The following RGS7 variants were observed in gnomAD, a reference collection of about 807,000 sequenced individuals.
RGS7 encodes regulator of G protein signaling 7.
A neutral mutation model predicts 81.1 loss-of-function variants in RGS7; 27 were observed. The ratio of observed to expected loss-of-function variants is 0.33; its 90% CI spans 0.25 to 0.46. The LOEUF (loss-of-function observed/expected upper bound fraction) is 0.46. RGS7 is among the 20% of genes least tolerant of loss of function. RGS7 has a pLI of 1.00. For synonymous variants in RGS7, 208 were observed against 207.7 expected, an observed-to-expected ratio of 1.00 and a Z score of -0.01; for missense variants, 396 against 607.4, an observed-to-expected ratio of 0.65 and a Z score of 3.66.
At chr1:240,866,176 C>T (rs1401731376) in intron 9 of RGS7, among the ~76,000 whole-genome samples, 2 of 152,220 alleles carry the variant, frequency 1.3e-5, no homozygotes, top group Non-Finnish European at 2.9e-5. Flanking sequence ...ACGCCATTCT[C>T]AGAGGCTCAT....
At chr1:240,866,904 G>C (rs887181141) in intron 9 of RGS7, among the ~76,000 whole-genome samples, 11 of 152,150 alleles carry the variant, frequency 7.2e-5, no homozygotes, top group African/African-American at 2.7e-4. Context: ...GGAGGATCCA[G>C]GTCATGGAAG....
chr1:240,829,425 G>GT (rs1004199468), intron 9 of RGS7, among the ~76,000 whole-genome samples: 2 of 152,046 alleles, frequency 1.3e-5, no homozygotes, highest in African/African-American at 4.8e-5. Context: ...CTAAGCATTT[G>GT]TTTTTTAAAA....
At chr1:241,352,926 T>A (rs1322252944) in intron 2 of RGS7, among the ~76,000 whole-genome samples, 1 of 152,168 alleles carries the variant, frequency 6.6e-6, no homozygotes, top group East Asian at 1.9e-4. Flanking sequence ...ATATCTTGAG[T>A]GTGTGTAAAT....
Position 240,950,244 on chromosome 1 carries a change from C to A in RGS7, c.227-13538G>T, listed in dbSNP as rs115553055. On this transcript the variant is annotated intron_variant, in intron 4 of 18. Coordinates refer to ENST00000440928, the MANE Select transcript of RGS7 (RefSeq NM_001364886.1). ...ATGAGCTACACTTCCAGAAATCCCA[C>A]CAGATTCTCATGGTGAAGATCCAAG... 3.6e-3 allele frequency among the ~76,000 whole-genome samples: 546 copies of A among 152,288 alleles called. 5 individuals carry two copies. Among genetic ancestry groups the A allele is most frequent in the African/African-American group, 0.012 (517 of 41,560 alleles).
intron 2 of RGS7, among the ~76,000 whole-genome samples, chr1:241,321,743 A>G (rs2081226496): frequency 6.6e-6 from 1 of 152,178 alleles, no homozygotes; most frequent in Non-Finnish European, 1.5e-5. Flanking sequence ...AACCTTCTAT[A>G]ATCTATTATA....
intron 2 of RGS7, among the ~76,000 whole-genome samples, chr1:241,133,186 A>G (rs2067244232): frequency 6.6e-6 from 1 of 152,222 alleles, no homozygotes; most frequent in Non-Finnish European, 1.5e-5. Context: ...TTACATTTAT[A>G]AAGAATAGAA....
rs113327876 is a variant in RGS7 at position 241,292,110 on chromosome 1, G to A, written c.78+63589C>T. Among the ~76,000 whole-genome samples the A allele has an allele frequency of 4.6e-3, 702 of 152,156 alleles. 6 individuals are homozygous for A. The highest frequency in any genetic ancestry group is 0.015 in the African/African-American group (615 of 41,506). ...GTCCTACTGGAAGGTCTTCAGAGGC[G>A]GTAATATGCATGGAGCTGTCGTCTC... On this transcript the variant is annotated intron_variant, in intron 2 of 18. Coordinates refer to ENST00000440928, the MANE Select transcript of RGS7 (RefSeq NM_001364886.1).
chr1:241,155,181 A>C (rs2069029284), intron 2 of RGS7, among the ~76,000 whole-genome samples: 1 of 152,150 alleles, frequency 6.6e-6, no homozygotes, highest in Non-Finnish European at 1.5e-5. Flanking sequence ...GTGCAGTGGC[A>C]ACCTCTGCCT....
chr1:241,160,110 C>CA (rs369734662), intron 2 of RGS7, among the ~76,000 whole-genome samples: 10,637 of 55,262 alleles, frequency 0.19, 698 homozygotes, highest in Middle Eastern at 0.28. Context: ...GACTCCATCT[C>CA]AAAAAAAAAA....
intron 6 of RGS7, among the ~76,000 whole-genome samples, chr1:240,930,222 C>CTTTTTTTTTTTTTTT (rs10676730): frequency 3.5e-5 from 4 of 113,874 alleles, no homozygotes; most frequent in African/African-American, 1.4e-4. Flanking sequence ...TCTTTTTTAG[C>CTTTTTTTTTTTTTTT]TTTTTTTTTT....
chr1:240,939,556 A>G (rs2148388838), intron 4 of RGS7, among the ~76,000 whole-genome samples: 1 of 152,300 alleles, frequency 6.6e-6, no homozygotes, highest in East Asian at 1.9e-4. Context: ...TGAATCCCTA[A>G]GTACCCCTGT....
chr1:241,089,063 CTATATATATATATA>C lies in RGS7; in HGVS notation c.175+9589_175+9602del, dbSNP rs1161090389. Among the ~76,000 whole-genome samples, 8 of 23,684 alleles carry C rather than the reference CTATATATATATATA, an allele frequency of 3.4e-4. 1 individual carries two copies. The South Asian group carries it at 7.4e-3, about 22-fold the overall frequency. 15.5% of individuals were successfully genotyped at this position (23,684 alleles called of 152,430 possible). ...TCTCTCTCTCTCTCTCTCTCTCTCT[CTATATATATATATA>C]TATATATATATATATATATACTGGC... is the stretch of plus-strand genomic sequence containing the variant. On this transcript the variant is annotated intron_variant, in intron 3 of 18. Coordinates refer to ENST00000440928, the MANE Select transcript of RGS7 (RefSeq NM_001364886.1).
intron 2 of RGS7, among the ~76,000 whole-genome samples, chr1:241,111,297 A>G (rs537968236): frequency 2.8e-4 from 43 of 152,242 alleles, no homozygotes; most frequent in Non-Finnish European, 4.4e-4. Context: ...AAGAAGCCCC[A>G]CCATTTTACA....
chr1:240,879,869 A>G (rs1666083636), intron 6 of RGS7, among the ~76,000 whole-genome samples: 1 of 152,226 alleles, frequency 6.6e-6, no homozygotes, highest in Non-Finnish European at 1.5e-5. Context: ...TCCATTCAGA[A>G]AATATTTTTA....
At chr1:241,026,533 G>A (rs1470637663) in intron 3 of RGS7, among the ~76,000 whole-genome samples, 1 of 151,852 alleles carries the variant, frequency 6.6e-6, no homozygotes, top group Non-Finnish European at 1.5e-5. Context: ...ACGTTGCAGT[G>A]AGCCGAGATC....
intron 17 of RGS7, among the ~76,000 whole-genome samples, chr1:240,801,164 A>G (rs368433951): frequency 2.0e-5 from 3 of 152,316 alleles, no homozygotes; most frequent in South Asian, 4.1e-4. Flanking sequence ...AGGAATAAAA[A>G]TAAAATATAA....
At chr1:241,031,254 C>A (rs2060072724) in intron 3 of RGS7, among the ~76,000 whole-genome samples, 1 of 152,162 alleles carries the variant, frequency 6.6e-6, no homozygotes, top group South Asian at 2.1e-4. Flanking sequence ...TCACTTAAGA[C>A]AATGGCCTCC....
rs73123729 is a variant in RGS7 at position 240,998,748 on chromosome 1, G to A, written c.176-15619C>T. The stretch of plus-strand genomic sequence containing the variant: ...CGTGACGGTCACCTCATCATCGTGC[G>A]GAATGAGGGCCAGGTAGATGCAGGC... On this transcript the variant is annotated intron_variant, in intron 3 of 18. Coordinates refer to ENST00000440928, the MANE Select transcript of RGS7 (RefSeq NM_001364886.1). 5.7e-3 allele frequency: 4,543 copies of A among 795,974 alleles called. 133 individuals carry two copies. The African/African-American group carries it at 0.065, about 11-fold the overall frequency. 49.3% of individuals were successfully genotyped at this position (795,974 alleles called of 1,614,324 possible). A position where few individuals can be genotyped will look rare whatever the true frequency, so the allele number is the denominator to read the frequency against.
chr1:240,810,935 CAG>C (rs1040571161), intron 14 of RGS7, among the ~76,000 whole-genome samples: 4 of 152,184 alleles, frequency 2.6e-5, no homozygotes, highest in South Asian at 2.1e-4. Context: ...CAGGCACACA[CAG>C]AGAGTTACAT....
Sources: gnomAD v4.1 joint callset for allele counts (sites outside exome capture counted in the v4.1 genomes callset) on GRCh38, gnomAD v4.1.1 for gene constraint, MANE v1.5 for transcripts, NCBI Gene and HGNC (gene_info 2026-07-23, HGNC 2026-07-21) for gene names.